The following CNTNAP2 variants were observed in gnomAD, a reference collection of about 807,000 sequenced individuals.
CNTNAP2 encodes the protein contactin-associated protein-like 2.
In CNTNAP2, 98 loss-of-function variants were observed where a neutral mutation model predicts 155.2. The ratio of observed to expected loss-of-function variants is 0.63; its 90% confidence interval spans 0.54 to 0.75. CNTNAP2 has a LOEUF of 0.75. Ranked by LOEUF, CNTNAP2 falls within the 30% of genes least tolerant of loss-of-function variation. The pLI, the probability that CNTNAP2 is intolerant of heterozygous loss-of-function variation, is 0.00. For synonymous variants in CNTNAP2, 651 were observed against 631.2 expected (o/e 1.03, Z -0.47); for missense variants, 1,727 against 1,688.1 (o/e 1.02, Z -0.40).
At chr7:146,634,177 T>C (rs1045620452) in intron 1 of CNTNAP2, among the ~76,000 whole-genome samples, 1 of 152,220 alleles carries the variant, frequency 6.6e-6, no homozygotes, top group Admixed American at 6.5e-5. Flanking sequence ...TGAAATCAGC[T>C]GTTCACTATG....
At chr7:147,807,847 A>T (rs1798116440) in intron 13 of CNTNAP2, among the ~76,000 whole-genome samples, 1 of 152,310 alleles carries the variant, frequency 6.6e-6, no homozygotes, top group South Asian at 2.1e-4. Context: ...TAAGCATTAA[A>T]TCATGAATAA....
chr7:148,141,317 G>A (rs1805068215), intron 16 of CNTNAP2, among the ~76,000 whole-genome samples: 1 of 152,236 alleles, frequency 6.6e-6, no homozygotes, highest in Admixed American at 6.5e-5. Flanking sequence ...AACATCATAT[G>A]TTTGAAAATA....
intron 1 of CNTNAP2, among the ~76,000 whole-genome samples, chr7:146,174,046 A>T (rs1454725093): frequency 6.6e-6 from 1 of 152,074 alleles, no homozygotes; most frequent in Non-Finnish European, 1.5e-5. Context: ...CTCTACAAAA[A>T]ACAAAAATAA....
chr7:146,436,681 T>A (rs1796248317), intron 1 of CNTNAP2, among the ~76,000 whole-genome samples: 6 of 151,880 alleles, frequency 4.0e-5, no homozygotes. Flanking sequence ...CTCTAAAACT[T>A]GATAAATATT....
chr7:147,021,460 A>C (rs1798816197), intron 3 of CNTNAP2, among the ~76,000 whole-genome samples: 1 of 152,186 alleles, frequency 6.6e-6, no homozygotes, highest in Admixed American at 6.5e-5. Context: ...TATTTCTCAG[A>C]CTACCACTAT....
At chr7:146,240,892 T>C (rs1339077672) in intron 1 of CNTNAP2, among the ~76,000 whole-genome samples, 1 of 152,204 alleles carries the variant, frequency 6.6e-6, no homozygotes, top group African/African-American at 2.4e-5. Flanking sequence ...CTCTGCACGC[T>C]GTACAAGTAC....
At chr7:147,795,759 G>A (rs1797883689) in intron 13 of CNTNAP2, among the ~76,000 whole-genome samples, 1 of 152,106 alleles carries the variant, frequency 6.6e-6, no homozygotes, top group East Asian at 1.9e-4. Flanking sequence ...CTAGTTGAAT[G>A]ATCATGGAAT....
At chr7:146,507,635 A>T (rs1797404488) in intron 1 of CNTNAP2, among the ~76,000 whole-genome samples, 1 of 152,128 alleles carries the variant, frequency 6.6e-6, no homozygotes, top group Admixed American at 6.5e-5. Flanking sequence ...CGTTCGTCTT[A>T]CCCAACCAGA....
intron 1 of CNTNAP2, among the ~76,000 whole-genome samples, chr7:146,154,510 A>G (rs1329069590): frequency 1.1e-4 from 17 of 152,206 alleles, no homozygotes; most frequent in Non-Finnish European, 2.2e-4. Flanking sequence ...TATCCTTAAA[A>G]CATTGACAAG....
intron 21 of CNTNAP2, among the ~76,000 whole-genome samples, chr7:148,281,638 C>G (rs946948731): frequency 1.3e-5 from 2 of 152,070 alleles, no homozygotes; most frequent in Non-Finnish European, 2.9e-5. Context: ...TCAAGGCTGG[C>G]TTCTCATTCT....
chr7:146,143,822 G>A (rs557025267), intron 1 of CNTNAP2, among the ~76,000 whole-genome samples: 1 of 152,048 alleles, frequency 6.6e-6, no homozygotes, highest in South Asian at 2.1e-4. Context: ...GAGTACAGTG[G>A]CACAGTCTTG....
chr7:147,163,391 G>T (rs1407692568), intron 8 of CNTNAP2, among the ~76,000 whole-genome samples: 1 of 152,134 alleles, frequency 6.6e-6, no homozygotes, highest in Non-Finnish European at 1.5e-5. Flanking sequence ...TATCTTTTTA[G>T]TATGCTATTT....
At chr7:148,297,045 A>G (rs1163888714) in intron 21 of CNTNAP2, among the ~76,000 whole-genome samples, 1 of 152,184 alleles carries the variant, frequency 6.6e-6, no homozygotes, top group East Asian at 1.9e-4. Context: ...CCATAGGAAC[A>G]TATATCTGTA....
At chr7:147,988,123 G>A (rs1801650651) in intron 15 of CNTNAP2, among the ~76,000 whole-genome samples, 1 of 152,160 alleles carries the variant, frequency 6.6e-6, no homozygotes. Flanking sequence ...GGCTATAGGT[G>A]AATTTAAATA....
chr7:147,310,982 C>A (rs1189035041), intron 9 of CNTNAP2, among the ~76,000 whole-genome samples: 1 of 152,134 alleles, frequency 6.6e-6, no homozygotes, highest in African/African-American at 2.4e-5. Flanking sequence ...AACCAGAATT[C>A]TTGCCAAAAA....
intron 1 of CNTNAP2, among the ~76,000 whole-genome samples, chr7:146,605,041 A>T (rs1474823702): frequency 1.4e-5 from 2 of 146,994 alleles, no homozygotes; most frequent in African/African-American, 5.0e-5. Flanking sequence ...AACCTGCACA[A>T]TGTGCACATG....
At chr7:146,381,230 A>AT (rs1184090358) in intron 1 of CNTNAP2, among the ~76,000 whole-genome samples, 1 of 152,144 alleles carries the variant, frequency 6.6e-6, no homozygotes, top group Non-Finnish European at 1.5e-5. Context: ...TGCTTTTTTA[A>AT]TCATTGACCT....
At chr7:147,017,556 TCTTAA>T (rs1166272628) in intron 3 of CNTNAP2, among the ~76,000 whole-genome samples, 5 of 152,102 alleles carry the variant, frequency 3.3e-5, no homozygotes, top group Admixed American at 6.6e-5. Flanking sequence ...TTTTTAACAT[TCTTAA>T]CTTCTTTTTT....
intron 13 of CNTNAP2, among the ~76,000 whole-genome samples, chr7:147,858,274 A>G (rs758140089): frequency 4.6e-5 from 7 of 152,048 alleles, no homozygotes; most frequent in Non-Finnish European, 5.9e-5. Flanking sequence ...CTTAGTAGAG[A>G]CAGGGTTTCA....
Sources: gnomAD v4.1 joint callset for allele counts (sites outside exome capture counted in the v4.1 genomes callset) on GRCh38, gnomAD v4.1.1 for gene constraint, MANE v1.5 for transcripts, NCBI Gene and HGNC (gene_info 2026-07-23, HGNC 2026-07-21) for gene names.